KSR2: variants seen among roughly 807,000 people sequenced by gnomAD.
KSR2 encodes kinase suppressor of ras 2.
Under a neutral mutation model 107.8 loss-of-function variants are expected in KSR2, and 25 were observed. That is an observed-to-expected ratio of 0.23 (90% CI 0.17 to 0.32). The LOEUF (loss-of-function observed/expected upper bound fraction) is 0.32, where lower values mean the gene tolerates loss of function less well. Ranked by LOEUF, KSR2 falls within the 10% of genes least tolerant of loss-of-function variation. The pLI, the probability that KSR2 is intolerant of heterozygous loss-of-function variation, is 1.00. For missense variants in KSR2, 887 were observed against 1,268.9 expected (o/e 0.70, Z 4.57); for synonymous variants, 480 against 507.0 (o/e 0.95, Z 0.71).
intron 4 of KSR2, among the ~76,000 whole-genome samples, chr12:117,753,594 T>C (rs1888682917): frequency 6.6e-6 from 1 of 152,130 alleles, no homozygotes; most frequent in African/African-American, 2.4e-5. Context: ...TTCTCACTTT[T>C]AAGTGGGACC....
chr12:117,453,266 C>G lies in KSR2; in HGVS notation c.*13933G>C, dbSNP rs1180401989. The G allele has an allele frequency of 6.6e-6, 1 of 152,490 alleles. No homozygotes were observed. The highest frequency in any genetic ancestry group is 1.5e-5 in the Non-Finnish European group (1 of 68,038). 9.4% of individuals were successfully genotyped at this position (152,490 alleles called of 1,614,324 possible). A position where few individuals can be genotyped will look rare whatever the true frequency, so the allele number is the denominator to read the frequency against. On this transcript the variant is annotated 3_prime_UTR_variant, in exon 20 of 20. Transcript: ENST00000339824. ...TGGACCCTCCATCCATCTGGCCTTT[C>G]TTTCCTGGATGGCATCTGAATAGAG...
intron 4 of KSR2, among the ~76,000 whole-genome samples, chr12:117,744,732 T>C (rs1441324469): frequency 6.6e-6 from 1 of 152,194 alleles, no homozygotes; most frequent in African/African-American, 2.4e-5. Context: ...GATCCATTAT[T>C]AACTTCACAT....
Position 117,907,796 on chromosome 12 carries a change from T to A in KSR2, c.181-47365A>T, listed in dbSNP as rs1207962761. 2.0e-5 allele frequency among the ~76,000 whole-genome samples: 3 copies of A among 152,080 alleles called. No homozygotes were observed. The highest frequency in any genetic ancestry group is 2.9e-5 in the Non-Finnish European group (2 of 68,004). ...TTTAGGTTTTTTTTTTCTTTTTTCT[T>A]CCTATAAAGCTATATAATATGAGCT... On this transcript the variant is annotated intron_variant, in intron 1 of 19. Coordinates refer to ENST00000339824, the MANE Select transcript of KSR2 (RefSeq NM_173598.6). This position sits in a 1 kb window ranked among gnomAD's most constrained non-coding sequence, Gnocchi z 4.3.
At chr12:117,794,186 GCA>G (rs746425354) in intron 3 of KSR2, among the ~76,000 whole-genome samples, 12 of 93,006 alleles carry the variant, frequency 1.3e-4, no homozygotes, top group South Asian at 4.0e-4. Flanking sequence ...ACACCAACAT[GCA>G]CACACACCAT....
chr12:117,698,774 A>G (rs1326924091), intron 4 of KSR2, among the ~76,000 whole-genome samples: 1 of 151,914 alleles, frequency 6.6e-6, no homozygotes. Flanking sequence ...CGTCAGCTTT[A>G]TTTTCCTCCT....
At chr12:117,478,550 T>C (rs1871949437) in intron 16 of KSR2, among the ~76,000 whole-genome samples, 1 of 152,010 alleles carries the variant, frequency 6.6e-6, no homozygotes, top group African/African-American at 2.4e-5. Flanking sequence ...CCTCCCATCT[T>C]CAGCCTATGA....
chr12:117,488,986 A>G (rs1174005626), intron 14 of KSR2, among the ~76,000 whole-genome samples: 2 of 152,378 alleles, frequency 1.3e-5, no homozygotes, highest in African/African-American at 4.8e-5. Context: ...GCTGTACTAT[A>G]TAAAAATAAC....
intron 5 of KSR2, among the ~76,000 whole-genome samples, chr12:117,592,597 A>C (rs1880393187): frequency 6.6e-6 from 1 of 152,246 alleles, no homozygotes; most frequent in Non-Finnish European, 1.5e-5. Flanking sequence ...AGCCTTTCTC[A>C]GATGGCCTCA....
intron 3 of KSR2, among the ~76,000 whole-genome samples, chr12:117,789,486 C>T (rs907986340): frequency 1.4e-4 from 21 of 152,218 alleles, no homozygotes; most frequent in Admixed American, 9.2e-4. Flanking sequence ...GCAGCTACCA[C>T]GATTCCCTTT....
Position 117,847,609 on chromosome 12 carries a change from C to T in KSR2, c.472+7819G>A, listed in dbSNP as rs547362244. Among the ~76,000 whole-genome samples, 8 of 152,242 alleles carry T rather than the reference C, an allele frequency of 5.3e-5. No homozygotes were observed. In the East Asian group the frequency reaches 7.8e-4, roughly 15 times the overall value. On this transcript the variant is annotated intron_variant, in intron 3 of 19. Transcript: ENST00000339824. ...TGCAGCCAGAGTGTTATTTAAAAAC[C>T]GGAAAAGAGATCCAGACACCTTCTG...
intron 4 of KSR2, among the ~76,000 whole-genome samples, chr12:117,734,964 T>A (rs952980122): frequency 1.3e-5 from 2 of 152,182 alleles, no homozygotes; most frequent in African/African-American, 4.8e-5. Context: ...GCCACACACT[T>A]GGTGTTGAGC....
At chr12:117,715,028 C>A (rs1208753480) in intron 4 of KSR2, among the ~76,000 whole-genome samples, 3 of 152,052 alleles carry the variant, frequency 2.0e-5, no homozygotes, top group East Asian at 3.9e-4. Context: ...AGAAAAAAAA[C>A]TCTCCTGGTG....
At chr12:117,726,708 T>C (rs1375084507) in intron 4 of KSR2, among the ~76,000 whole-genome samples, 1 of 152,242 alleles carries the variant, frequency 6.6e-6, no homozygotes, top group East Asian at 1.9e-4. Context: ...GGTGGGATTG[T>C]AAAATATGCA....
intron 5 of KSR2, among the ~76,000 whole-genome samples, chr12:117,610,750 A>AC (rs1288134001): frequency 6.6e-6 from 1 of 151,660 alleles, no homozygotes; most frequent in South Asian, 2.1e-4. Flanking sequence ...AAAAAAAAAA[A>AC]AAAAACAGAT....
intron 14 of KSR2, among the ~76,000 whole-genome samples, chr12:117,519,367 C>T (rs765998254): frequency 6.6e-6 from 1 of 152,188 alleles, no homozygotes; most frequent in South Asian, 2.1e-4. Flanking sequence ...TGAGCATGAA[C>T]AAGAATTCCA....
At chr12:117,713,596 C>T (rs1009838773) in intron 4 of KSR2, among the ~76,000 whole-genome samples, 1 of 151,788 alleles carries the variant, frequency 6.6e-6, no homozygotes, top group Non-Finnish European at 1.5e-5. Flanking sequence ...GCATTTGTTA[C>T]ACCAGCACAG....
At chr12:117,636,214 C>T (rs1203806553) in intron 5 of KSR2, among the ~76,000 whole-genome samples, 1 of 152,112 alleles carries the variant, frequency 6.6e-6, no homozygotes, top group Non-Finnish European at 1.5e-5. Flanking sequence ...AAATATTCCA[C>T]TGCTGGGTAT....
At chr12:117,753,817 TAAA>T (rs71099077) in intron 4 of KSR2, among the ~76,000 whole-genome samples, 8 of 142,752 alleles carry the variant, frequency 5.6e-5, no homozygotes, top group Admixed American at 2.1e-4. Context: ...AAATGAAAGT[TAAA>T]AAAAAAAAAA....
At chr12:117,608,121 C>T (rs1881396533) in intron 5 of KSR2, among the ~76,000 whole-genome samples, 1 of 152,222 alleles carries the variant, frequency 6.6e-6, no homozygotes. Flanking sequence ...TCCAGCTCTG[C>T]TGCTTACAAA....
Sources: allele counts gnomAD v4.1 joint callset (sites outside exome capture counted in the v4.1 genomes callset), GRCh38; gene constraint gnomAD v4.1.1; non-coding constraint Gnocchi (gnomAD v3.1); transcripts MANE v1.5; gene names NCBI Gene and HGNC (gene_info 2026-07-23, HGNC 2026-07-21).